ADGRV1: variants seen among roughly 807,000 people sequenced by gnomAD.
ADGRV1 encodes the protein G-protein coupled receptor 98.
In ADGRV1, 359 loss-of-function variants were observed where a neutral mutation model predicts 596.2. That is an observed-to-expected ratio of 0.60 (90% confidence interval 0.55 to 0.66). The LOEUF is 0.66. ADGRV1 is among the 30% of genes least tolerant of loss of function. The pLI is 0.00. For missense variants in ADGRV1, 7,274 were observed against 7,575.6 expected (o/e 0.96, Z 1.48); for synonymous variants, 2,681 against 2,679.2 (o/e 1.00, Z -0.02).
intron 9 of ADGRV1, among the ~76,000 whole-genome samples, chr5:90,634,136 T>A (rs755665506): frequency 7.2e-5 from 11 of 152,226 alleles, no homozygotes; most frequent in Non-Finnish European, 5.9e-5. Context: ...TTTGCAGTCC[T>A]GTGACGATTA....
At position 91,080,588 on chromosome 5, in the gene ADGRV1, CAAAAAAAAA is replaced by C. The variant is rs10696264; in HGVS notation, c.18310+7999_18310+8007del. 8.1e-4 allele frequency among the ~76,000 whole-genome samples: 68 copies of C among 84,470 alleles called. No individual in the cohort carries two copies. In the Middle Eastern group the frequency reaches 0.021, roughly 26 times the overall value. The allele number at this position is 84,470 out of a possible 152,430, so 55.4% of individuals were successfully genotyped here. A position where few individuals can be genotyped will look rare whatever the true frequency, so the allele number is the denominator to read the frequency against. ...TTTACACCCAGCTCCGCACACCCTGCAAAAAAAAAAAAAAAAAAAAAAACTTGAAGTGAT... is the reference window on the plus strand; with the variant it reads ...TTTACACCCAGCTCCGCACACCCTGCAAAAAAAAAAAAAACTTGAAGTGAT... On this transcript the variant is annotated intron_variant, in intron 86 of 89. Transcript: ENST00000405460.
intron 1 of ADGRV1, among the ~76,000 whole-genome samples, chr5:90,576,584 G>A (rs1290010748): frequency 6.6e-6 from 1 of 152,202 alleles, no homozygotes; most frequent in East Asian, 1.9e-4. Flanking sequence ...ACGTGTGCAT[G>A]TGTCTTTATA....
At chr5:90,749,783 G>C (rs1755038797) in intron 52 of ADGRV1, among the ~76,000 whole-genome samples, 2 of 152,190 alleles carry the variant, frequency 1.3e-5, no homozygotes, top group Admixed American at 6.5e-5. Flanking sequence ...TGTATGTTTG[G>C]TGAAGAATGG....
At chr5:90,619,888 G>A (rs922871253) in intron 4 of ADGRV1, among the ~76,000 whole-genome samples, 10 of 151,882 alleles carry the variant, frequency 6.6e-5, no homozygotes, top group Admixed American at 2.0e-4. Context: ...TGCTGAGAAT[G>A]ATGGTTTCCA....
intron 50 of ADGRV1, among the ~76,000 whole-genome samples, chr5:90,732,194 G>C (rs936238003): frequency 2.0e-5 from 3 of 152,052 alleles, no homozygotes; most frequent in Non-Finnish European, 4.4e-5. Context: ...TTTAAAAGTG[G>C]AGTTTCTTTG....
Position 90,754,003 on chromosome 5 carries a change from C to T in ADGRV1, c.11377+174C>T, listed in dbSNP as rs78795514. Among the ~76,000 whole-genome samples the T allele has an allele frequency of 0.026, 3,910 of 152,018 alleles. 168 individuals carry two copies. Among genetic ancestry groups the T allele is most frequent in the African/African-American group, 0.091 (3,769 of 41,470 alleles). On this transcript the variant is annotated intron_variant, in intron 54 of 89. Transcript: ENST00000405460. Reference sequence around the variant, plus strand: ...AAATCTGGTAATCATGTGAAATTACCTAGCAGTAATGTTATAGGAAATGTG... The same window carrying T: ...AAATCTGGTAATCATGTGAAATTACTTAGCAGTAATGTTATAGGAAATGTG...
chr5:90,622,865 C>T (rs543662961), intron 5 of ADGRV1, among the ~76,000 whole-genome samples, 164 bp downstream of exon 5: 3 of 152,216 alleles, frequency 2.0e-5, no homozygotes, highest in South Asian at 2.1e-4. Flanking sequence ...CTCAGAGTCC[C>T]GAGTAGCTAG....
chr5:90,791,167 A>T lies in ADGRV1; in HGVS notation c.14338A>T (p.Ile4780Phe). 6.2e-7 allele frequency: 1 copy of T among 1,613,972 alleles called. No individual in the cohort carries two copies. Among genetic ancestry groups the T allele is most frequent in the Non-Finnish European group, 8.5e-7 (1 of 1,179,886 alleles). ...GTCAATACTTATTGGGCAGAACCTT[A>T]TTAGATCCATCCAAATTAACATAAC... ...RQSILIGQNL[I>F]RSIQINITRL... is the part of the protein sequence containing the mutation. Residue 4780 changes from isoleucine to phenylalanine, a missense_variant, in exon 70 of 90, where the codon ATT becomes TTT. Ile to Phe is a conservative substitution (Grantham distance 21). This residue lies in a region of ADGRV1 where 1,874 missense variants were observed against 1,970.2 expected (regional missense o/e 0.95). Coordinates refer to ENST00000405460, the MANE Select transcript of ADGRV1 (RefSeq NM_032119.4).
chr5:91,156,059 T>G (rs1048364271), intron 89 of ADGRV1, among the ~76,000 whole-genome samples: 2 of 152,180 alleles, frequency 1.3e-5, no homozygotes, highest in African/African-American at 4.8e-5. Context: ...ATTTGTTTGT[T>G]TATTTGTTTG....
chr5:90,786,695 T>C (rs74981969), intron 67 of ADGRV1, among the ~76,000 whole-genome samples: 4,797 of 152,166 alleles, frequency 0.032, 461 homozygotes, highest in Admixed American at 0.18. Context: ...GGGCTAGAAG[T>C]AGAGGCTGAG....
chr5:90,669,182 C>G (rs186802486), intron 21 of ADGRV1, among the ~76,000 whole-genome samples: 2 of 152,190 alleles, frequency 1.3e-5, no homozygotes, highest in Non-Finnish European at 2.9e-5. Context: ...CTCTTTCCAC[C>G]ACACATTTGC....
Position 90,643,994 on chromosome 5 carries a change from C to T in ADGRV1, c.2734+11C>T, listed in dbSNP as rs543554002. ...ATGCTATCTATAGTGGTAATTTATT[C>T]TGTGTCTTATATTGTATTTCTGTTT... On this transcript the variant is annotated intron_variant, in intron 14 of 89. Transcript: ENST00000405460. The T allele has an allele frequency of 1.3e-6, 2 of 1,535,448 alleles. No individual in the cohort carries two copies. Among genetic ancestry groups the T allele is most frequent in the African/African-American group, 1.4e-5 (1 of 73,362 alleles).
At chr5:90,657,878 A>G (rs1769649679) in intron 20 of ADGRV1, 27 bp from the exon 21 acceptor site, 7 of 1,575,776 alleles carry the variant, frequency 4.4e-6, no homozygotes, top group Non-Finnish European at 5.2e-6. Context: ...AAGGTATTGT[A>G]GCATTTAAAC....
At chr5:91,014,136 C>CCACACACACACACACACACATA (rs1782969477) in intron 85 of ADGRV1, among the ~76,000 whole-genome samples, 2 of 35,638 alleles carry the variant, frequency 5.6e-5, no homozygotes, top group African/African-American at 1.8e-4. Flanking sequence ...TTCACAATTG[C>CCACACACACACACACACACATA]CACACACACA....
intron 86 of ADGRV1, among the ~76,000 whole-genome samples, chr5:91,073,456 T>C (rs928276190): frequency 6.6e-5 from 10 of 152,204 alleles, no homozygotes; most frequent in Admixed American, 5.2e-4. Flanking sequence ...AAGTAGCATA[T>C]ATAAGGTCTC....
intron 39 of ADGRV1, among the ~76,000 whole-genome samples, chr5:90,710,174 C>A (rs1206098698): frequency 6.6e-6 from 1 of 152,192 alleles, no homozygotes; most frequent in Admixed American, 6.5e-5. Context: ...CCCATCCAGG[C>A]AGCTACCATA....
intron 75 of ADGRV1, among the ~76,000 whole-genome samples, chr5:90,816,659 G>C (rs959419080): frequency 4.0e-5 from 6 of 150,742 alleles, no homozygotes; most frequent in African/African-American, 1.5e-4. Flanking sequence ...AGAACATGTG[G>C]TGTTTGGTTT....
intron 83 of ADGRV1, among the ~76,000 whole-genome samples, chr5:90,916,718 C>T (rs918123166): frequency 6.9e-6 from 1 of 145,396 alleles, no homozygotes; most frequent in East Asian, 2.0e-4. Flanking sequence ...CTGCAAGCTC[C>T]GCCTCCCGGG....
intron 85 of ADGRV1, among the ~76,000 whole-genome samples, chr5:91,026,982 A>G (rs1784065049): frequency 6.6e-6 from 1 of 151,930 alleles, no homozygotes; most frequent in African/African-American, 2.4e-5. Context: ...TCTCTACCAA[A>G]AATACAAAAA....
Sources: gnomAD v4.1 joint callset for allele counts (sites outside exome capture counted in the v4.1 genomes callset) on GRCh38, gnomAD v4.1.1 for gene constraint, gnomAD v4.1.1 regional missense constraint, MANE v1.5 for transcripts, NCBI Gene and HGNC (gene_info 2026-07-23, HGNC 2026-07-21) for gene names.